Variants in SNX29 observed in about 807,000 individuals in gnomAD.
SNX29 encodes sorting nexin 29, also known as sorting nexin-29.
In SNX29, 78 loss-of-function variants were observed where a neutral mutation model predicts 102.1. The ratio of observed to expected loss-of-function variants is 0.76; its 90% CI spans 0.64 to 0.92. The LOEUF (loss-of-function observed/expected upper bound fraction) is 0.92, where lower values mean the gene tolerates loss of function less well. Among genes scored for constraint, SNX29 ranks in the 40% least tolerant of loss-of-function variants. The pLI is 0.00. For synonymous variants in SNX29, 580 were observed against 414.5 expected, an observed-to-expected ratio of 1.40 and a Z score of -4.85; for missense variants, 1,280 against 1,061.7, an observed-to-expected ratio of 1.21 and a Z score of -2.86.
chr16:12,247,880 A>G (rs908925949), intron 14 of SNX29, among the ~76,000 whole-genome samples: 1 of 152,160 alleles, frequency 6.6e-6, no homozygotes, highest in Non-Finnish European at 1.5e-5. Flanking sequence ...CAGTAAATCT[A>G]ACTTTTATCC....
At chr16:12,534,623 C>T (rs943568587) in intron 20 of SNX29, among the ~76,000 whole-genome samples, 2 of 152,168 alleles carry the variant, frequency 1.3e-5, no homozygotes, top group African/African-American at 2.4e-5. Flanking sequence ...AAAGCAAATT[C>T]CATTCATGGG....
At chr16:12,172,453 G>A (rs1479233665) in intron 13 of SNX29, among the ~76,000 whole-genome samples, 1 of 152,142 alleles carries the variant, frequency 6.6e-6, no homozygotes, top group Non-Finnish European at 1.5e-5. Flanking sequence ...AAAAGCTTGG[G>A]TGGGATCCCA....
intron 5 of SNX29, among the ~76,000 whole-genome samples, chr16:12,043,478 CTG>C (rs2049967851): frequency 6.6e-6 from 1 of 151,894 alleles, no homozygotes; most frequent in Admixed American, 6.6e-5. Flanking sequence ...CCTTAGCCTC[CTG>C]AGCAGCTAGG....
Position 12,561,852 on chromosome 16 carries a change from T to C in SNX29, c.2319-6654T>C, listed in dbSNP as rs150056768. Among the ~76,000 whole-genome samples the C allele has an allele frequency of 1.8e-4, 28 of 152,258 alleles. No homozygotes were observed. The East Asian group carries it at 3.9e-3, about 21-fold the overall frequency. ...TCTCCCTGCAGGGGAGGGGAGGCAG[T>C]GCCCTGGGGACTTATGGGCTGTCTC... On this transcript the variant is annotated intron_variant, in intron 20 of 20. Coordinates refer to ENST00000566228, the MANE Select transcript of SNX29 (RefSeq NM_032167.5).
intron 19 of SNX29, among the ~76,000 whole-genome samples, chr16:12,508,177 C>T (rs1055070615): frequency 5.3e-5 from 8 of 152,138 alleles, no homozygotes; most frequent in South Asian, 2.1e-4. Context: ...TGGGCTGTGG[C>T]GGGTGGCTAT....
At chr16:12,219,648 A>G (rs1399936050) in intron 14 of SNX29, among the ~76,000 whole-genome samples, 1 of 152,206 alleles carries the variant, frequency 6.6e-6, no homozygotes, top group African/African-American at 2.4e-5. Context: ...ATGTATAAAC[A>G]TGTTTTCTCT....
At chr16:12,233,647 T>C (rs143982960) in intron 14 of SNX29, among the ~76,000 whole-genome samples, 58 of 152,352 alleles carry the variant, frequency 3.8e-4, no homozygotes, top group African/African-American at 1.4e-3. Flanking sequence ...TGCCATACAA[T>C]TCATCTATTT....
intron 2 of SNX29, chr16:12,000,517 T>G (rs2056249459): frequency 6.7e-6 from 1 of 150,246 alleles, no homozygotes; most frequent in African/African-American, 2.5e-5. Flanking sequence ...TAGGGGTGTG[T>G]GTTAAAATTT....
chr16:12,040,921 C>T (rs1054504074), intron 4 of SNX29, among the ~76,000 whole-genome samples: 1 of 152,220 alleles, frequency 6.6e-6, no homozygotes, highest in African/African-American at 2.4e-5. Flanking sequence ...TCAAGCGATT[C>T]TCCTGCCTCA....
intron 15 of SNX29, among the ~76,000 whole-genome samples, chr16:12,312,582 C>T (rs1396897469): frequency 1.3e-5 from 2 of 152,014 alleles, no homozygotes; most frequent in Admixed American, 6.6e-5. Context: ...CAGGGGAGGC[C>T]AGGGGGTCTC....
At chr16:12,546,895 G>C (rs1393711557) in intron 20 of SNX29, among the ~76,000 whole-genome samples, 1 of 152,228 alleles carries the variant, frequency 6.6e-6, no homozygotes, top group African/African-American at 2.4e-5. Context: ...AGGGCTAGGA[G>C]TGCAGCTGGA....
intron 19 of SNX29, among the ~76,000 whole-genome samples, chr16:12,512,724 G>A (rs530228533): frequency 1.3e-5 from 2 of 152,124 alleles, no homozygotes; most frequent in South Asian, 4.2e-4. Context: ...GTGCTTTCAG[G>A]GACAACTAGG....
At chr16:12,425,885 G>A (rs549692832) in intron 18 of SNX29, among the ~76,000 whole-genome samples, 1 of 152,156 alleles carries the variant, frequency 6.6e-6, no homozygotes, top group East Asian at 1.9e-4. Flanking sequence ...CATTTCTGCT[G>A]TACCCACAAA....
intron 19 of SNX29, among the ~76,000 whole-genome samples, chr16:12,522,032 CTT>C (rs574516360): frequency 1.2e-3 from 187 of 152,204 alleles, no homozygotes; most frequent in African/African-American, 4.3e-3. Context: ...GAGAAGAAGA[CTT>C]TGTTGTGACT....
intron 13 of SNX29, among the ~76,000 whole-genome samples, chr16:12,187,242 C>T (rs2076533180): frequency 6.6e-6 from 1 of 152,206 alleles, no homozygotes; most frequent in Admixed American, 6.5e-5. Context: ...CCTGCACTGC[C>T]CCTCTATGCC....
At chr16:12,196,661 G>T (rs1025449977) in intron 13 of SNX29, among the ~76,000 whole-genome samples, 62 of 120,382 alleles carry the variant, frequency 5.2e-4, no homozygotes, top group African/African-American at 1.9e-3. Flanking sequence ...TCACTCTGTT[G>T]CGAGGCTGGA....
chr16:12,053,810 A>G (rs1032182408), intron 8 of SNX29, among the ~76,000 whole-genome samples: 4 of 151,984 alleles, frequency 2.6e-5, no homozygotes, highest in African/African-American at 4.8e-5. Flanking sequence ...TATACCCTAT[A>G]TTGTAAGACG....
intron 15 of SNX29, among the ~76,000 whole-genome samples, chr16:12,332,812 C>T (rs2081333825): frequency 6.6e-6 from 1 of 152,108 alleles, no homozygotes; most frequent in African/African-American, 2.4e-5. Flanking sequence ...GTCCTGTCTG[C>T]TCCTCTTTCA....
At chr16:12,544,646 G>C (rs994909172) in intron 20 of SNX29, among the ~76,000 whole-genome samples, 2 of 152,202 alleles carry the variant, frequency 1.3e-5, no homozygotes, top group African/African-American at 2.4e-5. Context: ...GTTCATGTCA[G>C]ACTGTTTACT....
Sources: gnomAD v4.1 joint callset for allele counts (sites outside exome capture counted in the v4.1 genomes callset) on GRCh38, gnomAD v4.1.1 for gene constraint, MANE v1.5 for transcripts, NCBI Gene and HGNC (gene_info 2026-07-23, HGNC 2026-07-21) for gene names.